Variants in NEMP1 observed in about 807,000 individuals in gnomAD.
NEMP1 encodes transmembrane protein 194.
In NEMP1, 29 loss-of-function variants were observed where a neutral mutation model predicts 53.7. The ratio of observed to expected loss-of-function variants is 0.54; its 90% CI spans 0.40 to 0.74. The LOEUF (loss-of-function observed/expected upper bound fraction) is 0.74, where lower values mean the gene tolerates loss of function less well. Among genes scored for constraint, NEMP1 ranks in the 30% least tolerant of loss-of-function variants. NEMP1 has a pLI of 0.00. For missense variants in NEMP1, 477 were observed against 528.6 expected (o/e 0.90, Z 0.96); for synonymous variants, 193 against 192.9 (o/e 1.00, Z 0.00).
chr12:57,060,745 A>T, intron 8 of NEMP1, 27 bp downstream of exon 8: 1 of 1,601,278 alleles, frequency 6.2e-7, no homozygotes. Context: ...ACCCTGATAG[A>T]TGCTTGGTAT....
chr12:57,084,230 G>A (rs558804016), intron 1 of NEMP1, among the ~76,000 whole-genome samples: 1 of 152,304 alleles, frequency 6.6e-6, no homozygotes, highest in African/African-American at 2.4e-5. Flanking sequence ...CCAAAGTGCT[G>A]AGATTAAGGG....
intron 1 of NEMP1, among the ~76,000 whole-genome samples, chr12:57,074,642 T>G (rs1478476804): frequency 2.6e-5 from 4 of 152,218 alleles, no homozygotes; most frequent in Non-Finnish European, 5.9e-5. Flanking sequence ...TGGAGGATAC[T>G]AAAAGATTTC....
intron 1 of NEMP1, among the ~76,000 whole-genome samples, chr12:57,073,146 T>C (rs753863769): frequency 1.3e-5 from 2 of 151,860 alleles, no homozygotes; most frequent in Non-Finnish European, 2.9e-5. Context: ...TAATAAAAAC[T>C]ACTATTAAGT....
At chr12:57,062,970 ATAGACTCGGGAAGG>A in intron 7 of NEMP1, 135 bp downstream of exon 7, 1 of 554,720 alleles carries the variant, frequency 1.8e-6, no homozygotes, top group Non-Finnish European at 3.2e-6. Context: ...AAAAAAAAAA[ATAGACTCGGGAAGG>A]AACAAAAGTG....
chr12:57,069,249 C>A lies in NEMP1; in HGVS notation c.530G>T (p.Gly177Val). ...TGGAACCTACCTGCTCAGCAAGTCT[C>A]CACAAAAAAATAGCATAAGTCCAAG... ...FLLGLMLFFC[G>V]DLLSRSQIFY... Residue 177 changes from glycine to valine, a missense_variant, in exon 4 of 9, where the codon GGA (glycine) becomes GTA (valine). By Grantham distance (109) the Gly-to-Val change is moderately radical. Coordinates refer to ENST00000300128, the MANE Select transcript of NEMP1 (RefSeq NM_001130963.2). 7 of 1,546,986 alleles carry A rather than the reference C, an allele frequency of 4.5e-6. No individual in the cohort carries two copies. Among genetic ancestry groups the A allele is most frequent in the Non-Finnish European group, 6.1e-6 (7 of 1,145,788 alleles).
upstream of NEMP1, chr12:57,078,834 C>G: frequency 6.9e-7 from 1 of 1,456,202 alleles, no homozygotes; most frequent in Middle Eastern, 1.8e-4. Context: ...TCTACGAAAC[C>G]CGCCCCTATC....
At chr12:57,078,871 G>A (rs1261968263), upstream of NEMP1, 2 of 1,105,196 alleles carry the variant, frequency 1.8e-6, no homozygotes, top group Non-Finnish European at 2.6e-6. Flanking sequence ...AGGGCTTCGA[G>A]CACCCAGCCC....
Position 57,063,148 on chromosome 12 carries a change from G to A in NEMP1, c.951C>T (p.His317=), listed in dbSNP as rs749819211. ...IIALCTKNLE[H]PIQWLYITCR... is the part of the protein sequence containing the mutation. ...AGGTGATGTACAGCCACTGAATAGGGTGTTCCAGGTTCTTAGTACAAAGAG... is the reference window on the plus strand; with the variant it reads ...AGGTGATGTACAGCCACTGAATAGGATGTTCCAGGTTCTTAGTACAAAGAG... Residue 317 remains histidine (H), a synonymous_variant, in exon 7 of 9, where the codon CAC becomes CAT. Coordinates refer to ENST00000300128, the MANE Select transcript of NEMP1 (RefSeq NM_001130963.2). 1.2e-5 allele frequency: 19 copies of A among 1,614,008 alleles called. No homozygotes were observed. Among genetic ancestry groups the A allele is most frequent in the Non-Finnish European group, 1.6e-5 (19 of 1,179,880 alleles).
chr12:57,068,020 T>C (rs1321141701), intron 4 of NEMP1, among the ~76,000 whole-genome samples: 1 of 151,998 alleles, frequency 6.6e-6, no homozygotes, highest in Non-Finnish European at 1.5e-5. Flanking sequence ...ATCCTCCCCC[T>C]TCAGCCTCCC....
At chr12:57,073,732 C>T (rs2032466248) in intron 1 of NEMP1, among the ~76,000 whole-genome samples, 1 of 152,186 alleles carries the variant, frequency 6.6e-6, no homozygotes, top group African/African-American at 2.4e-5. Flanking sequence ...TAAGCACTCT[C>T]ATAATCCCTA....
At chr12:57,086,431 C>T (rs1189037645) in intron 1 of NEMP1, among the ~76,000 whole-genome samples, 1 of 152,112 alleles carries the variant, frequency 6.6e-6, no homozygotes, top group East Asian at 1.9e-4. Context: ...AGTGGTCCTT[C>T]TTTGAGTGAG....
chr12:57,075,390 T>TATAAATAA (rs36162399), intron 1 of NEMP1, among the ~76,000 whole-genome samples: 1,646 of 135,876 alleles, frequency 0.012, 25 homozygotes, highest in Middle Eastern at 0.03. Flanking sequence ...TCCATTTCAA[T>TATAAATAA]ATAAATAAAT....
upstream of NEMP1, among the ~76,000 whole-genome samples, chr12:57,083,487 T>C (rs538912250): frequency 7.9e-5 from 12 of 152,308 alleles, no homozygotes; most frequent in South Asian, 1.7e-3. Flanking sequence ...GATGAGTAAA[T>C]GGGGTGGGAA....
chr12:57,076,545 C>G (rs559520537), intron 1 of NEMP1, among the ~76,000 whole-genome samples: 1 of 152,098 alleles, frequency 6.6e-6, no homozygotes, highest in Non-Finnish European at 1.5e-5. Flanking sequence ...TGGTGGCTCA[C>G]GCCTGTAATC....
intron 2 of NEMP1, 92 bp downstream of exon 2, chr12:57,072,696 G>C (rs938601289): frequency 9.0e-6 from 12 of 1,332,838 alleles, no homozygotes; most frequent in Non-Finnish European, 1.2e-5. Context: ...TTTTTTTTAA[G>C]CATGTGAAGG....
chr12:57,083,994 A>C (rs1277488963), intron 1 of NEMP1, among the ~76,000 whole-genome samples: 5 of 126,414 alleles, frequency 4.0e-5, no homozygotes, highest in East Asian at 2.2e-4. Context: ...ACCGAGTCTC[A>C]CTCTGTCACC....
At chr12:57,073,010 G>A in intron 1 of NEMP1, 98 bp from the exon 2 acceptor site, 1 of 1,140,340 alleles carries the variant, frequency 8.8e-7, no homozygotes, top group Non-Finnish European at 1.2e-6. Flanking sequence ...CCTAAACTTT[G>A]GGTTAAAACA....
intron 5 of NEMP1, 77 bp from the exon 6 acceptor site, chr12:57,064,262 G>T: frequency 1.1e-6 from 1 of 886,042 alleles, no homozygotes; most frequent in South Asian, 1.7e-5. Context: ...ATGGAACTAT[G>T]ATTTTTTTTT....
At chr12:57,064,263 A>ATT in intron 5 of NEMP1, 78 bp from the exon 6 acceptor site, 5 of 845,134 alleles carry the variant, frequency 5.9e-6, no homozygotes, top group Non-Finnish European at 7.2e-6. Context: ...TGGAACTATG[A>ATT]TTTTTTTTTT....
Sources: allele counts gnomAD v4.1 joint callset (sites outside exome capture counted in the v4.1 genomes callset), GRCh38; gene constraint gnomAD v4.1.1; transcripts MANE v1.5; gene names NCBI Gene and HGNC (gene_info 2026-07-23, HGNC 2026-07-21).